KLHDC10: variants seen among roughly 807,000 people sequenced by gnomAD.
The protein encoded by KLHDC10 is kelch domain containing 10.
A neutral mutation model predicts 56.1 loss-of-function variants in KLHDC10; 24 were observed. The observed-to-expected ratio is 0.43, with a 90% CI of 0.31 to 0.60. The LOEUF is 0.60. Ranked by LOEUF, KLHDC10 falls within the 20% of genes least tolerant of loss-of-function variation. The pLI is 0.11. For missense variants in KLHDC10, 349 were observed against 567.0 expected (o/e 0.62, Z 3.91); for synonymous variants, 188 against 207.1 (o/e 0.91, Z 0.79).
At chr7:130,077,005 T>C (rs1347951098) in intron 1 of KLHDC10, among the ~76,000 whole-genome samples, 1 of 152,136 alleles carries the variant, frequency 6.6e-6, no homozygotes, top group Non-Finnish European at 1.5e-5. Context: ...TTAGAGATAA[T>C]TGACATCGTT....
In KLHDC10 at chr7:130,072,125, T is replaced by C. The variant is rs150200618; in HGVS notation, c.166+1316T>C. Among the ~76,000 whole-genome samples the C allele has an allele frequency of 4.9e-3, 745 of 152,318 alleles. 2 individuals carry two copies. The highest frequency in any genetic ancestry group is 8.0e-3 in the Non-Finnish European group (547 of 68,032). On this transcript the variant is annotated intron_variant, in intron 1 of 9. Transcript: ENST00000335420. ...TGAAAAAGAAAAAAGGAGCAATCTT[T>C]TTTCTTACTCCCAATTAATAATAAA...
At chr7:130,078,558 A>T (rs1795549800) in intron 1 of KLHDC10, among the ~76,000 whole-genome samples, 1 of 151,244 alleles carries the variant, frequency 6.6e-6, no homozygotes, top group Non-Finnish European at 1.5e-5. Flanking sequence ...TCGCTCTGTC[A>T]CCCAGGCTGG....
intron 1 of KLHDC10, among the ~76,000 whole-genome samples, chr7:130,077,720 T>C (rs1795534119): frequency 6.6e-6 from 1 of 151,732 alleles, no homozygotes; most frequent in Non-Finnish European, 1.5e-5. Context: ...CACGCCCAGC[T>C]AATTTTTTGT....
chr7:130,102,899 T>C (rs1346194501), intron 2 of KLHDC10, among the ~76,000 whole-genome samples: 2 of 152,178 alleles, frequency 1.3e-5, no homozygotes, highest in Non-Finnish European at 2.9e-5. Context: ...AGTTTTATAT[T>C]GAAGAATTGA....
intron 1 of KLHDC10, among the ~76,000 whole-genome samples, chr7:130,093,900 A>G (rs993764188): frequency 6.6e-6 from 1 of 151,990 alleles, no homozygotes; most frequent in African/African-American, 2.4e-5. Context: ...GTTTTTTATT[A>G]CAGTTTTGGT....
intron 1 of KLHDC10, among the ~76,000 whole-genome samples, chr7:130,076,575 A>G (rs1288507322): frequency 1.3e-5 from 2 of 152,194 alleles, no homozygotes; most frequent in East Asian, 3.9e-4. Flanking sequence ...TGTTTTCTCC[A>G]GGTACTTCTG....
At position 130,120,889 on chromosome 7, in the gene KLHDC10, C is replaced by A. The variant is rs997564160; in HGVS notation, c.616C>A (p.Arg206Ser). ...LLSCRGKKPS[R>S]IYGQAMAIIN... ...CAGCTGTCGGGGGAAGAAACCCAGT[C>A]GTATATATGGACAGGTACCAATCTG... Residue 206 changes from arginine (R) to serine (S), a missense_variant, in exon 4 of 10, where the codon CGT becomes AGT. Physicochemically the swap from Arg to Ser is moderately radical, Grantham distance 110. Coordinates refer to ENST00000335420, the MANE Select transcript of KLHDC10 (RefSeq NM_014997.4). This position sits in a 1 kb window ranked among gnomAD's most constrained non-coding sequence, Gnocchi z 5.1. The A allele has an allele frequency of 1.2e-6, 2 of 1,613,804 alleles. No individual in the cohort carries two copies. Among genetic ancestry groups the A allele is most frequent in the South Asian group, 2.2e-5 (2 of 91,006 alleles).
At chr7:130,117,279 G>GTGGT (rs986508260) in intron 3 of KLHDC10, among the ~76,000 whole-genome samples, 5 of 152,308 alleles carry the variant, frequency 3.3e-5, no homozygotes, top group Middle Eastern at 3.4e-3. Context: ...ACTTATCAGG[G>GTGGT]TGGTGGTTGC....
rs921474028 is a variant in KLHDC10 at position 130,070,678 on chromosome 7, G to A, written c.35G>A (p.Arg12Gln). 4.6e-6 allele frequency: 6 copies of A among 1,307,578 alleles called. No individual in the cohort carries two copies. Among genetic ancestry groups the A allele is most frequent in the Non-Finnish European group, 5.9e-6 (6 of 1,023,028 alleles). The allele number at this position is 1,307,578 out of a possible 1,614,324, so 81.0% of individuals were successfully genotyped here. The change falls in exon 1 of 10, where the codon CGG becomes CAG. Residue 12 changes from arginine to glutamine, a missense_variant. Coordinates refer to ENST00000335420, the MANE Select transcript of KLHDC10 (RefSeq NM_014997.4). The stretch of plus-strand genomic sequence containing the variant: ...GCCCAGGGCTGGGACAGGAACCGCC[G>A]GAGGGGAGGAGGCGCCGCCGGCGCT... ...SAAQGWDRNR[R>Q]RGGGAAGAGG...
intron 1 of KLHDC10, among the ~76,000 whole-genome samples, chr7:130,079,421 A>G (rs1795567015): frequency 6.6e-6 from 1 of 152,124 alleles, no homozygotes; most frequent in Admixed American, 6.5e-5. Context: ...TAATGTTGCT[A>G]ATGCCTTTTC....
At chr7:130,092,167 A>G (rs1253253064) in intron 1 of KLHDC10, among the ~76,000 whole-genome samples, 2 of 152,190 alleles carry the variant, frequency 1.3e-5, no homozygotes, top group Non-Finnish European at 2.9e-5. Flanking sequence ...CTTTTTGAAT[A>G]CTGTATCTTT....
chr7:130,108,034 A>T (rs1796037791), intron 2 of KLHDC10, among the ~76,000 whole-genome samples: 1 of 150,052 alleles, frequency 6.7e-6, no homozygotes, highest in South Asian at 2.1e-4. Flanking sequence ...CAAAACAAAA[A>T]ACCCTTCCCC....
At chr7:130,086,404 A>G (rs1795690431) in intron 1 of KLHDC10, among the ~76,000 whole-genome samples, 1 of 152,212 alleles carries the variant, frequency 6.6e-6, no homozygotes, top group African/African-American at 2.4e-5. Context: ...AAAACATTAC[A>G]TAAACTTGGT....
chr7:130,084,701 C>G (rs777249436), intron 1 of KLHDC10, among the ~76,000 whole-genome samples: 1 of 151,478 alleles, frequency 6.6e-6, no homozygotes, highest in African/African-American at 2.4e-5. Flanking sequence ...TGCTTGAACC[C>G]AGGAGGCGGA....
In KLHDC10 at chr7:130,134,938, C is replaced by T. The variant is rs138221593; in HGVS notation, c.*4192C>T. The T allele has an allele frequency of 3.9e-5, 6 of 152,148 alleles. No homozygotes were observed. The East Asian group carries it at 9.7e-4, about 25-fold the overall frequency. The allele number at this position is 152,148 out of a possible 1,614,324, so 9.4% of individuals were successfully genotyped here. On this transcript the variant is annotated 3_prime_UTR_variant, in exon 10 of 10. Transcript: ENST00000335420. ...TCTAGGACTTCCGTGTGCGTTGCCACCAGATCCTGCCCAGCAATGGCCTTT... is the reference window on the plus strand; with the variant it reads ...TCTAGGACTTCCGTGTGCGTTGCCATCAGATCCTGCCCAGCAATGGCCTTT...
At chr7:130,102,668 A>T (rs1189225181) in intron 2 of KLHDC10, among the ~76,000 whole-genome samples, 2 of 152,142 alleles carry the variant, frequency 1.3e-5, no homozygotes, top group Non-Finnish European at 2.9e-5. Context: ...TCTACTAAAA[A>T]TACTAAAGTT....
chr7:130,123,151 T>C (rs937783124), intron 5 of KLHDC10, among the ~76,000 whole-genome samples: 19 of 152,234 alleles, frequency 1.2e-4, no homozygotes, highest in African/African-American at 4.3e-4. Context: ...CTTTCACTTT[T>C]CTTTCCTAAT....
At chr7:130,122,501 A>T (rs903275405) in intron 5 of KLHDC10, among the ~76,000 whole-genome samples, 14 of 152,214 alleles carry the variant, frequency 9.2e-5, no homozygotes, top group Admixed American at 9.2e-4. Flanking sequence ...GGTAACAACT[A>T]TAACCAAATT....
rs908399287 is a variant in KLHDC10, at chr7:130,134,709, T to C, written c.*3963T>C. ...TTGTCTACCTGCCAGCATTCTGATA[T>C]AGCACAAAAAGCTATTTTCCTTTAT... On this transcript the variant is annotated 3_prime_UTR_variant, in exon 10 of 10. Transcript: ENST00000335420. The C allele has an allele frequency of 6.6e-6, 1 of 152,220 alleles. No homozygotes were observed. The highest frequency in any genetic ancestry group is 2.4e-5 in the African/African-American group (1 of 41,466). 9.4% of individuals were successfully genotyped at this position (152,220 alleles called of 1,614,324 possible).
Sources: gnomAD v4.1 joint callset for allele counts (sites outside exome capture counted in the v4.1 genomes callset) on GRCh38, gnomAD v4.1.1 for gene constraint, Gnocchi (gnomAD v3.1) non-coding constraint, MANE v1.5 for transcripts, NCBI Gene and HGNC (gene_info 2026-07-23, HGNC 2026-07-21) for gene names.